Variants in TRAP1 observed in about 807,000 individuals in gnomAD.
TRAP1 encodes the protein TNF receptor associated protein 1.
In TRAP1, 102 loss-of-function variants were observed where a neutral mutation model predicts 89.1. The ratio of observed to expected loss-of-function variants is 1.15; its 90% CI spans 0.98 to 1.35. TRAP1 has a LOEUF of 1.35. Ranked by LOEUF, TRAP1 falls within the 40% of genes most tolerant of loss-of-function variation. TRAP1 has a pLI of 0.00. For synonymous variants in TRAP1, 508 were observed against 388.0 expected, an observed-to-expected ratio of 1.31 and a Z score of -3.64; for missense variants, 1,256 against 945.3, an observed-to-expected ratio of 1.33 and a Z score of -4.31.
At chr16:3,681,646 T>C (rs2051074802) in intron 4 of TRAP1, among the ~76,000 whole-genome samples, 2 of 152,182 alleles carry the variant, frequency 1.3e-5, no homozygotes, top group Admixed American at 1.3e-4. Flanking sequence ...AGTATCTAGT[T>C]GATATCAGTC....
Position 3,658,666 on chromosome 16 carries a change from C to CATCTCA in TRAP1, c.2013+121_2013+126dup, listed in dbSNP as rs1170824802. On this transcript the variant is annotated intron_variant, in intron 17 of 17. Coordinates refer to ENST00000246957, the MANE Select transcript of TRAP1 (RefSeq NM_016292.3). Reference sequence around the variant, plus strand: ...CCAGCCTGGCAACAGAGCAACACTCCATCTCAAAAAACAAACAAACAAACA... The same window carrying CATCTCA: ...CCAGCCTGGCAACAGAGCAACACTCCATCTCAATCTCAAAAAACAAACAAACAAACA... The CATCTCA allele has an allele frequency of 3.2e-4, 285 of 893,906 alleles. 7 individuals are homozygous for CATCTCA. In the East Asian group the frequency reaches 7.7e-3, roughly 24 times the overall value. 55.4% of individuals were successfully genotyped at this position (893,906 alleles called of 1,614,324 possible).
intron 12 of TRAP1, chr16:3,665,237 G>C (rs901631217): frequency 2.0e-5 from 3 of 152,158 alleles, no homozygotes; most frequent in South Asian, 2.1e-4. Flanking sequence ...ACCAGAACAC[G>C]GCCTCCTTGG....
chr16:3,689,903 G>C (rs1451492366), intron 2 of TRAP1: 1 of 152,252 alleles, frequency 6.6e-6, no homozygotes, highest in Non-Finnish European at 1.5e-5. Flanking sequence ...TCCTCCCACT[G>C]CTGAGGCCAG....
chr16:3,663,179 C>T (rs749547619), intron 14 of TRAP1: 4 of 658,682 alleles, frequency 6.1e-6, no homozygotes, highest in South Asian at 2.0e-5. Context: ...TAAAAAAATA[C>T]ACAGCCTCTC....
intron 16 of TRAP1, chr16:3,660,101 T>TA (rs1215059562): frequency 6.6e-6 from 1 of 152,192 alleles, no homozygotes; most frequent in Non-Finnish European, 1.5e-5. Flanking sequence ...ACATTCTTAA[T>TA]ATGCTAATGT....
intron 3 of TRAP1, chr16:3,687,005 C>A (rs1472641907): frequency 6.6e-6 from 1 of 152,126 alleles, no homozygotes; most frequent in Admixed American, 6.5e-5. Flanking sequence ...GGAACAATTT[C>A]TTTCCCAACT....
chr16:3,685,720 C>T (rs1195345729), intron 4 of TRAP1, among the ~76,000 whole-genome samples: 1 of 152,184 alleles, frequency 6.6e-6, no homozygotes, highest in African/African-American at 2.4e-5. Context: ...TTAATACCTG[C>T]ATATACCAAA....
chr16:3,667,835 T>A (rs1316807219), intron 11 of TRAP1, among the ~76,000 whole-genome samples: 2 of 149,304 alleles, frequency 1.3e-5, no homozygotes, highest in East Asian at 4.0e-4. Context: ...CTCGGCTCAC[T>A]GCAACCTCTG....
chr16:3,703,043 G>GAAAAAAAAAAAA (rs36093237), intron 1 of TRAP1, among the ~76,000 whole-genome samples: 1 of 43,496 alleles, frequency 2.3e-5, no homozygotes, highest in African/African-American at 9.1e-5. Flanking sequence ...ACTCCGTCTT[G>GAAAAAAAAAAAA]AAAAAAAAAA....
At chr16:3,675,172 TGTCTCATCCCCACACCCAG>T in intron 8 of TRAP1, 133 bp downstream of exon 8, 1 of 701,634 alleles carries the variant, frequency 1.4e-6, no homozygotes, top group Non-Finnish European at 2.3e-6. Flanking sequence ...GCTGGGCCCC[TGTCTCATCCCCACACCCAG>T]GTCTCATCTC....
intron 1 of TRAP1, chr16:3,691,259 G>C: frequency 3.8e-6 from 1 of 261,952 alleles, no homozygotes; most frequent in Non-Finnish European, 7.2e-6. Context: ...CTTTTCAGAG[G>C]GGGTCTCGCT....
At chr16:3,683,894 G>A (rs770091588) in intron 4 of TRAP1, among the ~76,000 whole-genome samples, 5 of 152,044 alleles carry the variant, frequency 3.3e-5, no homozygotes, top group East Asian at 1.9e-4. Context: ...GACTAGGCGC[G>A]GTGGCTCCCG....
intron 1 of TRAP1, among the ~76,000 whole-genome samples, chr16:3,699,115 C>A (rs537303152): frequency 1.7e-4 from 26 of 152,228 alleles, no homozygotes; most frequent in African/African-American, 5.8e-4. Flanking sequence ...TGACACCACA[C>A]ACCCCTCCCC....
At chr16:3,702,561 G>A (rs557534775) in intron 1 of TRAP1, among the ~76,000 whole-genome samples, 12 of 151,586 alleles carry the variant, frequency 7.9e-5, no homozygotes, top group Non-Finnish European at 1.2e-4. Flanking sequence ...TGGGCAAACT[G>A]GTGAAACCCC....
chr16:3,664,409 C>G lies in TRAP1; in HGVS notation c.1434G>C (p.Gly478=). ...LRYESSALPS[G]QLTSLSEYAS... ...CGTATTCTGAGAGGCTGGTTAGCTG[C>G]CCGGAGGGCAGCGCCGAGGACTCGT... The change falls in exon 13 of 18, where the codon GGG becomes GGC. Residue 478 remains glycine (G), a synonymous_variant. Transcript: ENST00000246957. 6.2e-7 allele frequency: 1 copy of G among 1,611,610 alleles called. No individual in the cohort carries two copies. The highest frequency in any genetic ancestry group is 8.5e-7 in the Non-Finnish European group (1 of 1,179,044).
intron 1 of TRAP1, among the ~76,000 whole-genome samples, chr16:3,702,333 C>T (rs966778323): frequency 2.0e-5 from 3 of 151,684 alleles, no homozygotes; most frequent in African/African-American, 4.9e-5. Context: ...GTCCTATGCT[C>T]GAGGCAAACA....
At chr16:3,658,974 G>T in intron 16 of TRAP1, 109 bp from the exon 17 acceptor site, 2 of 1,115,706 alleles carry the variant, frequency 1.8e-6, no homozygotes, top group Non-Finnish European at 2.6e-6. Flanking sequence ...AAGACTGTCT[G>T]TAGTTTTTTA....
At chr16:3,661,934 C>T (rs1228276190) in intron 16 of TRAP1, 53 bp downstream of exon 16, 2 of 1,533,358 alleles carry the variant, frequency 1.3e-6, no homozygotes, top group African/African-American at 1.4e-5. Context: ...GAACACCACA[C>T]ACAGGATTCT....
rs1440174743 is a variant in TRAP1 at position 3,671,764 on chromosome 16, A to G, written c.1193T>C (p.Leu398Pro). Reference sequence around the variant, plus strand: ...CTGCAGCAGCTCCCGGCTGAGGTTCAGGGGAATGTCCTCACTGTCCACCAC... The same window carrying G: ...CTGCAGCAGCTCCCGGCTGAGGTTCGGGGGAATGTCCTCACTGTCCACCAC... ...RGVVDSEDIP[L>P]NLSRELLQES... The change falls in exon 11 of 18, where the codon CTG becomes CCG. Residue 398 changes from leucine to proline, a missense_variant. By Grantham distance (98) the Leu-to-Pro change is moderately conservative. Coordinates refer to ENST00000246957, the MANE Select transcript of TRAP1 (RefSeq NM_016292.3). The G allele has an allele frequency of 1.9e-6, 3 of 1,613,226 alleles. No homozygotes were observed. In the Admixed American group the frequency reaches 5.0e-5, roughly 27 times the overall value.
Sources: gnomAD v4.1 joint callset for allele counts (sites outside exome capture counted in the v4.1 genomes callset) on GRCh38, gnomAD v4.1.1 for gene constraint, MANE v1.5 for transcripts, NCBI Gene and HGNC (gene_info 2026-07-23, HGNC 2026-07-21) for gene names.